HTR4: variants seen among roughly 807,000 people sequenced by gnomAD.
HTR4 encodes the protein 5-hydroxytryptamine receptor 4.
A neutral mutation model predicts 36.8 loss-of-function variants in HTR4; 16 were observed. The observed-to-expected ratio is 0.43, with a 90% CI of 0.29 to 0.66. HTR4 has a LOEUF of 0.66. Among genes scored for constraint, HTR4 ranks in the 30% least tolerant of loss-of-function variants. The pLI is 0.13. For missense variants in HTR4, 438 were observed against 490.9 expected, an observed-to-expected ratio of 0.89 and a Z score of 1.02; for synonymous variants, 189 against 185.1, an observed-to-expected ratio of 1.02 and a Z score of -0.17.
chr5:148,514,019 G>A (rs1039466792), intron 5 of HTR4, among the ~76,000 whole-genome samples: 2 of 152,174 alleles, frequency 1.3e-5, no homozygotes, highest in South Asian at 2.1e-4. Flanking sequence ...ACATTCTTTT[G>A]AATTTTCTCC....
intron 2 of HTR4, among the ~76,000 whole-genome samples, chr5:148,551,569 T>TA (rs1432743690): frequency 2.0e-5 from 3 of 152,196 alleles, no homozygotes; most frequent in Non-Finnish European, 4.4e-5. Flanking sequence ...ATTCAGAAGC[T>TA]ATAGGGATTT....
chr5:148,506,628 A>T (rs1195206160), intron 6 of HTR4, among the ~76,000 whole-genome samples: 1 of 152,232 alleles, frequency 6.6e-6, no homozygotes, highest in Non-Finnish European at 1.5e-5. Flanking sequence ...TACCCATCTG[A>T]CAAAGGGCTA....
In HTR4 at chr5:148,457,208, T is replaced by C. The variant is rs757249770; in HGVS notation, c.1077-5936A>G. 9.6e-4 allele frequency among the ~76,000 whole-genome samples: 146 copies of C among 152,308 alleles called. 1 individual carries two copies. Among genetic ancestry groups the C allele is most frequent in the Middle Eastern group, 3.4e-3 (1 of 294 alleles). Reference sequence around the variant, plus strand: ...CATTTGGTGCGAGATCTTACTTGCCTTCTCACAGCTGCTTTGGTGGTAAGA... The same window carrying C: ...CATTTGGTGCGAGATCTTACTTGCCCTCTCACAGCTGCTTTGGTGGTAAGA... On this transcript the variant is annotated intron_variant, in intron 5 of 5. Transcript: ENST00000521530.
chr5:148,583,734 T>C (rs1231766990), intron 2 of HTR4, among the ~76,000 whole-genome samples: 2 of 152,046 alleles, frequency 1.3e-5, no homozygotes, highest in Admixed American at 6.6e-5. Flanking sequence ...ATCTGGGCCA[T>C]GTAAAAACTG....
intron 4 of HTR4, among the ~76,000 whole-genome samples, chr5:148,526,203 C>T (rs898174752): frequency 2.0e-5 from 3 of 152,184 alleles, no homozygotes; most frequent in African/African-American, 7.2e-5. Context: ...CTTTAGCAAA[C>T]TAATACAGTT....
chr5:148,512,897 C>T (rs994661002), intron 5 of HTR4, among the ~76,000 whole-genome samples: 1 of 152,142 alleles, frequency 6.6e-6, no homozygotes, highest in African/African-American at 2.4e-5. Flanking sequence ...CGCCACTGCA[C>T]TCCAGCCTGG....
chr5:148,554,518 G>A (rs1759842094), intron 2 of HTR4, among the ~76,000 whole-genome samples: 1 of 152,180 alleles, frequency 6.6e-6, no homozygotes, highest in African/African-American at 2.4e-5. Context: ...AAAATTCATA[G>A]GGAAATTAAA....
intron 2 of HTR4, among the ~76,000 whole-genome samples, chr5:148,600,347 A>T (rs1050847178): frequency 1.4e-4 from 18 of 126,730 alleles, no homozygotes; most frequent in African/African-American, 4.9e-4. Flanking sequence ...TTATATATAT[A>T]TATTTTTTTT....
intron 5 of HTR4, among the ~76,000 whole-genome samples, chr5:148,518,808 C>CT (rs796778053): frequency 4.1e-4 from 63 of 152,264 alleles, no homozygotes; most frequent in African/African-American, 1.5e-3. Flanking sequence ...TTCCAAAACA[C>CT]TTTTTTTCTT....
intron 4 of HTR4, among the ~76,000 whole-genome samples, chr5:148,542,561 G>A (rs538861649): frequency 7.4e-4 from 112 of 152,276 alleles, no homozygotes; most frequent in African/African-American, 2.6e-3. Flanking sequence ...GAGGAAGGGT[G>A]ACAATTCAGC....
intron 5 of HTR4, among the ~76,000 whole-genome samples, chr5:148,460,902 A>G (rs942554218): frequency 1.9e-4 from 29 of 152,250 alleles, no homozygotes; most frequent in African/African-American, 9.6e-5. Flanking sequence ...AAGTTGGACC[A>G]TCATAAGTTG....
At chr5:148,626,282 G>A (rs1437552117) in intron 2 of HTR4, among the ~76,000 whole-genome samples, 1 of 152,216 alleles carries the variant, frequency 6.6e-6, no homozygotes, top group Admixed American at 6.5e-5. Context: ...TCAAGGACAA[G>A]CCATCAGAAC....
rs536183162 is a variant in HTR4, at chr5:148,593,806, T to C, written c.26+43183A>G. Reference sequence around the variant, plus strand: ...TTATTGGCAATCTGAGCTCTGTTTTTGGCTTTTATCTCTTGCAAATTTCTC... The same window carrying C: ...TTATTGGCAATCTGAGCTCTGTTTTCGGCTTTTATCTCTTGCAAATTTCTC... On this transcript the variant is annotated intron_variant, in intron 2 of 6. Transcript: ENST00000377888. Among the ~76,000 whole-genome samples the C allele has an allele frequency of 1.4e-4, 22 of 152,342 alleles. No individual in the cohort carries two copies. In the South Asian group the frequency reaches 4.1e-3, roughly 29 times the overall value.
chr5:148,588,395 T>C (rs570032924), intron 2 of HTR4, among the ~76,000 whole-genome samples: 1 of 152,322 alleles, frequency 6.6e-6, no homozygotes, highest in East Asian at 1.9e-4. Context: ...GGTTAAATTC[T>C]GGGAGGGTCT....
chr5:148,645,515 C>T (rs1010335638), intron 1 of HTR4: 2 of 152,098 alleles, frequency 1.3e-5, no homozygotes, highest in Non-Finnish European at 2.9e-5. Flanking sequence ...AGTTTGCCAA[C>T]CCCTGATTCA....
At chr5:148,526,599 C>T (rs575201856) in intron 4 of HTR4, among the ~76,000 whole-genome samples, 49 of 152,188 alleles carry the variant, frequency 3.2e-4, no homozygotes, top group African/African-American at 1.1e-3. Flanking sequence ...CACTGTTCAC[C>T]ACAACCAAGG....
intron 2 of HTR4, among the ~76,000 whole-genome samples, chr5:148,600,996 A>AC (rs1211648151): frequency 2.7e-5 from 4 of 148,280 alleles, no homozygotes; most frequent in Non-Finnish European, 6.0e-5. Flanking sequence ...AAAAAAAAAA[A>AC]AAAAAAACAA....
intron 4 of HTR4, among the ~76,000 whole-genome samples, chr5:148,540,307 A>G (rs1002488331): frequency 6.7e-6 from 1 of 150,084 alleles, no homozygotes; most frequent in Non-Finnish European, 1.5e-5. Flanking sequence ...TAATGTATAC[A>G]ACGAACCCCT....
chr5:148,603,496 A>G (rs1267957210), intron 2 of HTR4, among the ~76,000 whole-genome samples: 1 of 152,036 alleles, frequency 6.6e-6, no homozygotes, highest in Non-Finnish European at 1.5e-5. Context: ...CACTTTCACT[A>G]CTTCTATTCA....
Sources: allele counts gnomAD v4.1 joint callset (sites outside exome capture counted in the v4.1 genomes callset), GRCh38; gene constraint gnomAD v4.1.1; transcripts MANE v1.5; gene names NCBI Gene and HGNC (gene_info 2026-07-23, HGNC 2026-07-21).